Variants in FGFR2 observed in about 807,000 individuals in gnomAD.
The protein encoded by FGFR2 is fibroblast growth factor receptor 2.
A neutral mutation model predicts 95.9 loss-of-function variants in FGFR2; 19 were observed. The observed-to-expected ratio is 0.20, with a 90% CI of 0.14 to 0.29. The LOEUF (loss-of-function observed/expected upper bound fraction) is 0.29, where lower values mean the gene tolerates loss of function less well. Ranked by LOEUF, FGFR2 falls within the 10% of genes least tolerant of loss-of-function variation. The pLI is 1.00. For missense variants in FGFR2, 707 were observed against 1,056.9 expected, an observed-to-expected ratio of 0.67 and a Z score of 4.59; for synonymous variants, 392 against 393.3, an observed-to-expected ratio of 1.00 and a Z score of 0.04.
intron 17 of FGFR2, among the ~76,000 whole-genome samples, chr10:121,480,895 T>C (rs987449261): frequency 6.6e-6 from 1 of 152,088 alleles, no homozygotes. Flanking sequence ...AAAGATGGTC[T>C]TTAACATTGG....
intron 4 of FGFR2, among the ~76,000 whole-genome samples, chr10:121,560,615 C>CAAAAAAAAAA (rs34753296): frequency 3.9e-5 from 2 of 51,794 alleles, no homozygotes; most frequent in African/African-American, 1.4e-4. Context: ...ACTCCGTCCC[C>CAAAAAAAAAA]AAAAAAAAAA....
At chr10:121,494,505 G>T (rs1028993944) in intron 13 of FGFR2, among the ~76,000 whole-genome samples, 2 of 152,084 alleles carry the variant, frequency 1.3e-5, no homozygotes, top group Non-Finnish European at 2.9e-5. Flanking sequence ...CTCCCACACA[G>T]GTAGGGCAGG....
At chr10:121,527,160 A>G (rs906324895) in intron 6 of FGFR2, among the ~76,000 whole-genome samples, 2 of 152,180 alleles carry the variant, frequency 1.3e-5, no homozygotes, top group East Asian at 1.9e-4. Flanking sequence ...GAGGCAAAGT[A>G]CCTTCCCTAA....
At chr10:121,593,033 G>A (rs1862906670) in intron 2 of FGFR2, among the ~76,000 whole-genome samples, 1 of 152,156 alleles carries the variant, frequency 6.6e-6, no homozygotes, top group African/African-American at 2.4e-5. Context: ...CTTACACCTT[G>A]AAAATTAAAT....
chr10:121,492,963 A>G lies in FGFR2; in HGVS notation c.1863+3569T>C, dbSNP rs143599059. 5.2e-3 allele frequency among the ~76,000 whole-genome samples: 795 copies of G among 152,158 alleles called. 4 individuals are homozygous for G. The highest frequency in any genetic ancestry group is 0.014 in the Middle Eastern group (4 of 294). The stretch of plus-strand genomic sequence containing the variant: ...GTTAGGGGCCTCATGAGAGCAGGAG[A>G]CAGCTGAGTGGGGGACCAGGAGACC... On this transcript the variant is annotated intron_variant, in intron 13 of 17. Coordinates refer to ENST00000358487, the MANE Select transcript of FGFR2 (RefSeq NM_000141.5).
chr10:121,525,035 T>C lies in FGFR2; in HGVS notation c.749-4866A>G, dbSNP rs183314401. 2.0e-5 allele frequency among the ~76,000 whole-genome samples: 3 copies of C among 152,358 alleles called. No homozygotes were observed. In the East Asian group the frequency reaches 5.8e-4, roughly 29 times the overall value. ...GAAGGATTTACAGTTTTAGGCAAGATTCTCTTCTAGCATGTTTAACTCTCA... is the reference window on the plus strand; with the variant it reads ...GAAGGATTTACAGTTTTAGGCAAGACTCTCTTCTAGCATGTTTAACTCTCA... On this transcript the variant is annotated intron_variant, in intron 6 of 17. Transcript: ENST00000358487.
intron 6 of FGFR2, among the ~76,000 whole-genome samples, chr10:121,521,760 C>T (rs1850582288): frequency 6.6e-6 from 1 of 152,084 alleles, no homozygotes; most frequent in African/African-American, 2.4e-5. Context: ...TATGGAGGTT[C>T]CTCAAAAAAT....
At chr10:121,514,614 C>T (rs982163797) in intron 9 of FGFR2, among the ~76,000 whole-genome samples, 5 of 152,102 alleles carry the variant, frequency 3.3e-5, no homozygotes, top group Non-Finnish European at 1.5e-5. Flanking sequence ...TATTGTGCAA[C>T]AGTTTAAATC....
At chr10:121,573,718 A>C (rs1859235155) in intron 2 of FGFR2, among the ~76,000 whole-genome samples, 1 of 151,976 alleles carries the variant, frequency 6.6e-6, no homozygotes, top group African/African-American at 2.4e-5. Flanking sequence ...CACACCCGGG[A>C]GGCATGTCCT....
intron 13 of FGFR2, among the ~76,000 whole-genome samples, chr10:121,493,174 C>A (rs1846356052): frequency 6.6e-6 from 1 of 152,152 alleles, no homozygotes; most frequent in Non-Finnish European, 1.5e-5. Flanking sequence ...ACGTAAGATG[C>A]TTTATGTCAA....
At position 121,518,710 on chromosome 10, in the gene FGFR2, G is replaced by C. The variant is rs1047074; in HGVS notation, c.940-1247C>G. ...GCTGTTTTGGCAGGACAGTGAGCCA[G>C]GCAGACTGGTTGGCCTGCCCTATAT... is the stretch of plus-strand genomic sequence containing the variant. On this transcript the variant is annotated intron_variant, in intron 7 of 17. Coordinates refer to ENST00000358487, the MANE Select transcript of FGFR2 (RefSeq NM_000141.5). The surrounding 1 kb of genome is among the most constrained non-coding windows in gnomAD (Gnocchi z 4.0). 2.5e-6 allele frequency: 4 copies of C among 1,614,198 alleles called. No homozygotes were observed. Among genetic ancestry groups the C allele is most frequent in the Non-Finnish European group, 3.4e-6 (4 of 1,180,030 alleles).
chr10:121,533,579 C>T (rs1033235814), intron 6 of FGFR2, among the ~76,000 whole-genome samples: 4 of 152,216 alleles, frequency 2.6e-5, no homozygotes, highest in African/African-American at 4.8e-5. Flanking sequence ...AAAGCCAAAT[C>T]GTCTACATGA....
intron 14 of FGFR2, 57 bp from the exon 15 acceptor site, chr10:121,487,481 C>A (rs2133826568): frequency 7.0e-7 from 1 of 1,419,046 alleles, no homozygotes; most frequent in Admixed American, 1.8e-5. Context: ...TTTATCTTAG[C>A]AGGCTCAATA....
At chr10:121,495,393 T>C (rs1407170713) in intron 13 of FGFR2, among the ~76,000 whole-genome samples, 1 of 152,112 alleles carries the variant, frequency 6.6e-6, no homozygotes, top group African/African-American at 2.4e-5. Context: ...CCAGGCATGG[T>C]GGCACATCCT....
chr10:121,488,890 C>T (rs1285429534), intron 13 of FGFR2, among the ~76,000 whole-genome samples: 2 of 152,152 alleles, frequency 1.3e-5, no homozygotes, highest in Non-Finnish European at 2.9e-5. Context: ...CATTCCTGGT[C>T]ACTTCTCAAA....
chr10:121,554,619 C>A (rs1288683657), intron 4 of FGFR2, among the ~76,000 whole-genome samples: 1 of 151,802 alleles, frequency 6.6e-6, no homozygotes, highest in East Asian at 1.9e-4. Context: ...GATCCACCTG[C>A]CTCAGCCTCC....
At position 121,556,396 on chromosome 10, in the gene FGFR2, A is replaced by ACTCTCTCT. The variant is rs35668561; in HGVS notation, c.455-4945_455-4938dup. On this transcript the variant is annotated intron_variant, in intron 4 of 17. Transcript: ENST00000358487. ...TGCTGACACCTAAGGTTTATAATCT[A>ACTCTCTCT]CTCTCTCTCTCTCTCTCTCTCTCTC... Among the ~76,000 whole-genome samples the ACTCTCTCT allele has an allele frequency of 6.0e-3, 768 of 128,174 alleles. 14 individuals are homozygous for ACTCTCTCT. Among genetic ancestry groups the ACTCTCTCT allele is most frequent in the African/African-American group, 0.017 (478 of 28,202 alleles). The allele number at this position is 128,174 out of a possible 152,430, so 84.1% of individuals were successfully genotyped here. A position where few individuals can be genotyped will look rare whatever the true frequency, so the allele number is the denominator to read the frequency against.
intron 2 of FGFR2, among the ~76,000 whole-genome samples, chr10:121,572,163 A>C (rs941852774): frequency 1.3e-5 from 2 of 151,080 alleles, no homozygotes; most frequent in Non-Finnish European, 3.0e-5. Context: ...AAAATGAAAA[A>C]AAAAAAAAAA....
At chr10:121,592,310 A>G (rs1862774349) in intron 2 of FGFR2, among the ~76,000 whole-genome samples, 1 of 152,120 alleles carries the variant, frequency 6.6e-6, no homozygotes, top group African/African-American at 2.4e-5. Context: ...TGCAAATTAC[A>G]CTCATCCTGG....
Sources: gnomAD v4.1 joint callset for allele counts (sites outside exome capture counted in the v4.1 genomes callset) on GRCh38, gnomAD v4.1.1 for gene constraint, Gnocchi (gnomAD v3.1) non-coding constraint, MANE v1.5 for transcripts, NCBI Gene and HGNC (gene_info 2026-07-23, HGNC 2026-07-21) for gene names.